The following PAK1 variants were observed in gnomAD, a reference collection of about 807,000 sequenced individuals.
PAK1 encodes serine/threonine-protein kinase PAK 1.
In PAK1, 29 loss-of-function variants were observed where a neutral mutation model predicts 67.4. The observed-to-expected ratio is 0.43, with a 90% CI of 0.32 to 0.59. The LOEUF is 0.59. Among genes scored for constraint, PAK1 ranks in the 20% least tolerant of loss-of-function variants. The pLI, the probability that PAK1 is intolerant of heterozygous loss-of-function variation, is 0.07. For synonymous variants in PAK1, 223 were observed against 237.4 expected (o/e 0.94, Z 0.56); for missense variants, 337 against 670.7 (o/e 0.50, Z 5.50).
At chr11:77,447,028 C>G (rs2135360919) in intron 1 of PAK1, among the ~76,000 whole-genome samples, 1 of 152,212 alleles carries the variant, frequency 6.6e-6, no homozygotes, top group Middle Eastern at 3.4e-3. Context: ...TGGATTAAAA[C>G]ACATAAAGAC....
At chr11:77,416,797 C>CA (rs1267987477) in intron 1 of PAK1, among the ~76,000 whole-genome samples, 4 of 151,994 alleles carry the variant, frequency 2.6e-5, no homozygotes, top group African/African-American at 4.8e-5. Context: ...ACTAAAAATA[C>CA]AAAAAATTAG....
At chr11:77,439,075 G>A (rs985976332) in intron 1 of PAK1, among the ~76,000 whole-genome samples, 9 of 152,228 alleles carry the variant, frequency 5.9e-5, no homozygotes, top group Admixed American at 5.2e-4. Context: ...CCAGTGATTC[G>A]AAGCCATGAA....
chr11:77,467,486 T>G (rs1288757347), intron 1 of PAK1, among the ~76,000 whole-genome samples: 1 of 152,186 alleles, frequency 6.6e-6, no homozygotes, highest in African/African-American at 2.4e-5. Flanking sequence ...TAAATGGCAA[T>G]AAAATATTAC....
In PAK1 at chr11:77,334,828, GA is replaced by G. The variant is rs1049127905; in HGVS notation, c.1413+1257del. Among the ~76,000 whole-genome samples the G allele has an allele frequency of 1.8e-3, 276 of 150,836 alleles. 3 individuals carry two copies. Among genetic ancestry groups the G allele is most frequent in the African/African-American group, 6.5e-3 (269 of 41,112 alleles). ...CCTTCCCAGCAAAATTCCTTTAAGA[GA>G]AAAAAAAACCTGTTTATACATGCCA... On this transcript the variant is annotated intron_variant, in intron 13 of 14. Transcript: ENST00000356341.
intron 5 of PAK1, among the ~76,000 whole-genome samples, chr11:77,360,068 G>C (rs1946578626): frequency 6.6e-6 from 1 of 152,124 alleles, no homozygotes; most frequent in Non-Finnish European, 1.5e-5. Context: ...GACAGGATGA[G>C]AGCCCCTCCT....
intron 14 of PAK1, 48 bp downstream of exon 14, chr11:77,332,682 G>C (rs373728297): frequency 6.4e-7 from 1 of 1,552,028 alleles, no homozygotes. Flanking sequence ...AAAAGGCCTG[G>C]TTTAGTGATT....
chr11:77,357,582 T>C (rs1371930891), intron 6 of PAK1, among the ~76,000 whole-genome samples: 1 of 152,166 alleles, frequency 6.6e-6, no homozygotes, highest in Non-Finnish European at 1.5e-5. Flanking sequence ...CACACAAAAA[T>C]ACCACTGTGC....
chr11:77,417,505 G>A (rs140284976), intron 1 of PAK1, among the ~76,000 whole-genome samples: 6 of 152,150 alleles, frequency 3.9e-5, no homozygotes, highest in Non-Finnish European at 7.4e-5. Flanking sequence ...GGTGAAGCAC[G>A]GGGCATTTTT....
At position 77,355,107 on chromosome 11, in the gene PAK1, A is replaced by G. The variant is rs531424002; in HGVS notation, c.772+561T>C. Among the ~76,000 whole-genome samples, 3 of 152,334 alleles carry G rather than the reference A, an allele frequency of 2.0e-5. No individual in the cohort carries two copies. The South Asian group carries it at 6.2e-4, about 32-fold the overall frequency. ...AGGATATTTAGCCTCCCTGAGCCTC[A>G]GATATCTTCATTGCAAAAATTAGGA... On this transcript the variant is annotated intron_variant, in intron 7 of 14. Transcript: ENST00000356341.
intron 10 of PAK1, among the ~76,000 whole-genome samples, chr11:77,342,013 T>C (rs1943681408): frequency 6.6e-6 from 1 of 152,216 alleles, no homozygotes; most frequent in South Asian, 2.1e-4. Flanking sequence ...AATGTTTGTG[T>C]CCCTCAAAAT....
At chr11:77,399,611 G>A (rs1271010603) in intron 1 of PAK1, among the ~76,000 whole-genome samples, 2 of 151,974 alleles carry the variant, frequency 1.3e-5, no homozygotes, top group Admixed American at 6.6e-5. Context: ...TGTAATCCCA[G>A]CACTTTGGGA....
At position 77,351,307 on chromosome 11, in the gene PAK1, T is replaced by TA. The variant is rs755545914; in HGVS notation, c.837-2021dup. On this transcript the variant is annotated intron_variant, in intron 8 of 14. Coordinates refer to ENST00000356341, the MANE Select transcript of PAK1 (RefSeq NM_002576.5). ...TTTATAGGTCTCATATATCAGTAAC[T>TA]AAAAAAAAAAAAAAAGTCACAAAAG... 1.4e-3 allele frequency among the ~76,000 whole-genome samples: 185 copies of TA among 128,802 alleles called. 1 individual carries two copies. Among genetic ancestry groups the TA allele is most frequent in the African/African-American group, 3.0e-3 (106 of 35,100 alleles). 84.5% of individuals were successfully genotyped at this position (128,802 alleles called of 152,430 possible).
the PAK1 span, among the ~76,000 whole-genome samples, chr11:77,504,582 T>C: frequency 2.0e-5 from 3 of 152,248 alleles, no homozygotes; most frequent in Non-Finnish European, 4.4e-5. Context: ...ATCATATCAA[T>C]GAGCTTTTCA....
At chr11:77,352,681 C>G (rs1452622531) in intron 8 of PAK1, among the ~76,000 whole-genome samples, 2 of 151,956 alleles carry the variant, frequency 1.3e-5, no homozygotes, top group Non-Finnish European at 2.9e-5. Flanking sequence ...ATAAATATAC[C>G]TTTTTTTTAT....
intron 1 of PAK1, among the ~76,000 whole-genome samples, chr11:77,441,444 CT>C (rs2138440824): frequency 6.6e-6 from 1 of 152,292 alleles, no homozygotes; most frequent in Admixed American, 6.5e-5. Context: ...CTCTCTACCT[CT>C]TTTTCCAATC....
At chr11:77,493,918 G>C in the PAK1 span, among the ~76,000 whole-genome samples, 3 of 152,022 alleles carry the variant, frequency 2.0e-5, no homozygotes, top group Non-Finnish European at 4.4e-5. Flanking sequence ...TGTCATATTT[G>C]GTTTGATGTG....
chr11:77,491,484 G>A, the PAK1 span, among the ~76,000 whole-genome samples: 3 of 152,022 alleles, frequency 2.0e-5, no homozygotes, highest in East Asian at 1.9e-4. Flanking sequence ...AGCCATGATC[G>A]TGTCACTGCA....
chr11:77,473,385 G>C (rs925810479), intron 1 of PAK1, 167 bp downstream of exon 1: 1 of 152,208 alleles, frequency 6.6e-6, no homozygotes, highest in Non-Finnish European at 1.5e-5. Flanking sequence ...CGGGCCTCGC[G>C]GGGCGCCGCC....
intron 1 of PAK1, among the ~76,000 whole-genome samples, chr11:77,398,138 T>A (rs1321179281): frequency 6.6e-6 from 1 of 152,218 alleles, no homozygotes; most frequent in Non-Finnish European, 1.5e-5. Context: ...AGTCTTTTAG[T>A]TATTTTTAAA....
Sources: gnomAD v4.1 joint callset for allele counts (sites outside exome capture counted in the v4.1 genomes callset) on GRCh38, gnomAD v4.1.1 for gene constraint, MANE v1.5 for transcripts, NCBI Gene and HGNC (gene_info 2026-07-23, HGNC 2026-07-21) for gene names.